The following KPNA3 variants were observed in gnomAD, a reference collection of about 807,000 sequenced individuals.
KPNA3 encodes importin subunit alpha-4.
Under a neutral mutation model 73.8 loss-of-function variants are expected in KPNA3, and 13 were observed. The observed-to-expected ratio is 0.18, with a 90% confidence interval of 0.11 to 0.28. KPNA3 has a LOEUF of 0.28. Among genes scored for constraint, KPNA3 ranks in the 10% least tolerant of loss-of-function variants. The probability of loss-of-function intolerance (pLI) is 1.00; values close to 1 mark genes in which losing one functional copy is unlikely to be tolerated. For synonymous variants in KPNA3, 186 were observed against 206.9 expected, an observed-to-expected ratio of 0.90 and a Z score of 0.87; for missense variants, 360 against 618.1, an observed-to-expected ratio of 0.58 and a Z score of 4.43.
intron 1 of KPNA3, among the ~76,000 whole-genome samples, chr13:49,785,494 A>G (rs1267882208): frequency 6.6e-6 from 1 of 152,228 alleles, no homozygotes; most frequent in African/African-American, 2.4e-5. Context: ...TGAGCTTGAG[A>G]AGCTAAAAAG....
At position 49,730,519 on chromosome 13, in the gene KPNA3, C is replaced by CAAAAAAAAAAAAAAAAA; in HGVS notation, c.383+1835_383+1851dup. ...TGGGCAACAGAGCGAGACTCTGTCT[C>CAAAAAAAAAAAAAAAAA]AAAAAAAAAAAAAAAAAAAAAAAAA... On this transcript the variant is annotated intron_variant, in intron 6 of 16. Transcript: ENST00000261667. 1.2e-3 allele frequency among the ~76,000 whole-genome samples: 33 copies of CAAAAAAAAAAAAAAAAA among 27,294 alleles called. 3 individuals are homozygous for CAAAAAAAAAAAAAAAAA. Among genetic ancestry groups the CAAAAAAAAAAAAAAAAA allele is most frequent in the Non-Finnish European group, 1.7e-3 (27 of 15,770 alleles). 17.9% of individuals were successfully genotyped at this position (27,294 alleles called of 152,430 possible).
intron 2 of KPNA3, among the ~76,000 whole-genome samples, chr13:49,741,274 T>C (rs1352898747): frequency 6.6e-6 from 1 of 152,178 alleles, no homozygotes; most frequent in Non-Finnish European, 1.5e-5. Context: ...AGTTTCCTTT[T>C]CTCCACATCC....
intron 15 of KPNA3, among the ~76,000 whole-genome samples, chr13:49,702,838 C>A (rs767215589): frequency 1.4e-4 from 22 of 152,174 alleles, no homozygotes; most frequent in Non-Finnish European, 2.2e-4. Context: ...ACCAACTCCC[C>A]CACAGTGCTT....
intron 1 of KPNA3, among the ~76,000 whole-genome samples, chr13:49,782,234 A>G (rs1171526303): frequency 6.6e-6 from 1 of 152,196 alleles, no homozygotes; most frequent in Non-Finnish European, 1.5e-5. Context: ...GAATGGATAC[A>G]ATGCCCCTCA....
intron 6 of KPNA3, 95 bp from the exon 7 acceptor site, chr13:49,725,596 G>T: frequency 5.6e-6 from 4 of 715,238 alleles, no homozygotes; most frequent in Non-Finnish European, 6.6e-6. Context: ...TCTTTGCCTT[G>T]TCCTTGAATT....
chr13:49,730,213 AAAG>A (rs967815623), intron 6 of KPNA3, among the ~76,000 whole-genome samples: 29 of 152,204 alleles, frequency 1.9e-4, no homozygotes, highest in African/African-American at 2.4e-4. Context: ...AAAAGGAAAA[AAAG>A]AAGAAGAGAA....
chr13:49,788,397 G>A (rs745521065), intron 1 of KPNA3, among the ~76,000 whole-genome samples: 1 of 152,102 alleles, frequency 6.6e-6, no homozygotes, highest in Non-Finnish European at 1.5e-5. Flanking sequence ...AAGAATCAAT[G>A]CCTTACATGA....
At chr13:49,789,505 G>A (rs920979235) in intron 1 of KPNA3, among the ~76,000 whole-genome samples, 1 of 151,976 alleles carries the variant, frequency 6.6e-6, no homozygotes, top group African/African-American at 2.4e-5. Context: ...AACATCTTGT[G>A]TATCAGCTGC....
intron 15 of KPNA3, among the ~76,000 whole-genome samples, chr13:49,703,183 CTT>C (rs35282756): frequency 3.7e-5 from 4 of 109,202 alleles, no homozygotes; most frequent in Admixed American, 1.1e-4. Flanking sequence ...TTCTTTCTTT[CTT>C]TTTTTTTTTT....
chr13:49,704,628 CTAATT>C (rs769036701), intron 15 of KPNA3, among the ~76,000 whole-genome samples: 16 of 151,696 alleles, frequency 1.1e-4, no homozygotes, highest in Non-Finnish European at 1.5e-4. Flanking sequence ...TTATGATAAA[CTAATT>C]TAAGGTTTAA....
At chr13:49,791,757 G>T (rs1237566160) in intron 1 of KPNA3, among the ~76,000 whole-genome samples, 1 of 152,218 alleles carries the variant, frequency 6.6e-6, no homozygotes, top group Admixed American at 6.5e-5. Flanking sequence ...TCCACCTTCA[G>T]CTCGCTCCAA....
chr13:49,760,408 C>T (rs1355530729), intron 1 of KPNA3, among the ~76,000 whole-genome samples: 6 of 142,758 alleles, frequency 4.2e-5, no homozygotes, highest in African/African-American at 1.0e-4. Flanking sequence ...GAGTGAGATC[C>T]CATCTCAAAA....
intron 1 of KPNA3, among the ~76,000 whole-genome samples, chr13:49,751,537 A>AT (rs1271923119): frequency 6.6e-6 from 1 of 152,052 alleles, no homozygotes; most frequent in Admixed American, 6.6e-5. Context: ...TGTGTCAATG[A>AT]TTTTTTTCAT....
At chr13:49,751,989 TCA>T (rs1954667060) in intron 1 of KPNA3, among the ~76,000 whole-genome samples, 1 of 152,076 alleles carries the variant, frequency 6.6e-6, no homozygotes, top group South Asian at 2.1e-4. Flanking sequence ...TCTGGTTAAA[TCA>T]CCAGCTACAG....
At chr13:49,777,311 G>A (rs934840819) in intron 1 of KPNA3, among the ~76,000 whole-genome samples, 9 of 152,098 alleles carry the variant, frequency 5.9e-5, no homozygotes, top group African/African-American at 2.2e-4. Flanking sequence ...TTCTGAAACA[G>A]GAAATGCAAA....
chr13:49,775,745 T>A (rs936030668), intron 1 of KPNA3, among the ~76,000 whole-genome samples: 1 of 152,224 alleles, frequency 6.6e-6, no homozygotes, highest in Non-Finnish European at 1.5e-5. Context: ...TTATTAAATA[T>A]GTCCCTTGAA....
intron 1 of KPNA3, among the ~76,000 whole-genome samples, chr13:49,752,071 C>G (rs561359432): frequency 3.3e-5 from 5 of 152,240 alleles, no homozygotes; most frequent in Non-Finnish European, 7.4e-5. Flanking sequence ...ACCCTGAGAA[C>G]AAGAGAACTC....
At chr13:49,716,529 C>G (rs1260973713) in intron 10 of KPNA3, among the ~76,000 whole-genome samples, 1 of 152,082 alleles carries the variant, frequency 6.6e-6, no homozygotes, top group Admixed American at 6.6e-5. Flanking sequence ...ACCTCCACCT[C>G]CCCGACTCAA....
In KPNA3 at chr13:49,762,156, G is replaced by A. The variant is rs866376343; in HGVS notation, c.70-15163C>T. On this transcript the variant is annotated intron_variant, in intron 1 of 16. Coordinates refer to ENST00000261667, the MANE Select transcript of KPNA3 (RefSeq NM_002267.4). ...GCCTCCCCGTCCGGGAGGGAGGTGG[G>A]GGGCAGCCCCCGCCCGGCCAGCCGC... Among the ~76,000 whole-genome samples the A allele has an allele frequency of 8.7e-3, 1,077 of 123,156 alleles. 7 individuals carry two copies. Among genetic ancestry groups the A allele is most frequent in the African/African-American group, 0.035 (1,007 of 28,694 alleles). 80.8% of individuals were successfully genotyped at this position (123,156 alleles called of 152,430 possible).
Sources: allele counts gnomAD v4.1 joint callset (sites outside exome capture counted in the v4.1 genomes callset), GRCh38; gene constraint gnomAD v4.1.1; transcripts MANE v1.5; gene names NCBI Gene and HGNC (gene_info 2026-07-23, HGNC 2026-07-21).